RMST: variants seen among roughly 807,000 people sequenced by gnomAD.
RMST encodes long intergenic non-protein coding RNA 54.
intron 11 of RMST, among the ~76,000 whole-genome samples, chr12:97,540,941 GATAGATATAGATATAGATATAGAT>G (rs11269215): frequency 1.0e-4 from 15 of 145,594 alleles, no homozygotes; most frequent in Non-Finnish European, 1.7e-4. Flanking sequence ...TAGAGAGATA[GATAGATATAGATATAGATATAGAT>G]ATAGATATAG....
At chr12:97,541,504 A>G (rs901372131) in intron 11 of RMST, 4 of 151,742 alleles carry the variant, frequency 2.6e-5, no homozygotes, top group Non-Finnish European at 5.9e-5. Flanking sequence ...CTCGGTAAAC[A>G]TTTATTAAGA....
chr12:97,479,325 A>AT (rs1874944095), intron 5 of RMST, among the ~76,000 whole-genome samples: 2 of 150,978 alleles, frequency 1.3e-5, no homozygotes, highest in East Asian at 2.0e-4. Flanking sequence ...TATTTTATTA[A>AT]TTTTTTTGTA....
chr12:97,463,019 CT>C (rs1872749277), intron 3 of RMST: 2 of 57,898 alleles, frequency 3.5e-5, no homozygotes, highest in Non-Finnish European at 7.6e-5. Context: ...AGTCAGCAGT[CT>C]CTCTCTCTCT....
intron 11 of RMST, among the ~76,000 whole-genome samples, chr12:97,541,648 C>G (rs541697937): frequency 6.8e-6 from 1 of 147,188 alleles, no homozygotes; most frequent in East Asian, 2.0e-4. Flanking sequence ...CAGGCTCAGA[C>G]AAAAGCTCAG....
chr12:97,495,165 C>A (rs1378216064), intron 9 of RMST, among the ~76,000 whole-genome samples: 1 of 92,210 alleles, frequency 1.1e-5, no homozygotes, highest in Non-Finnish European at 2.2e-5. Context: ...TTATGTACAT[C>A]ATTATTCTTA....
chr12:97,474,970 C>T (rs1593127264), intron 5 of RMST, among the ~76,000 whole-genome samples: 3 of 152,132 alleles, frequency 2.0e-5, no homozygotes, highest in African/African-American at 7.2e-5. Flanking sequence ...TGCTCATTGC[C>T]TTCTGTCTTT....
At chr12:97,499,994 A>G (rs1219715909) in intron 10 of RMST, among the ~76,000 whole-genome samples, 1 of 152,048 alleles carries the variant, frequency 6.6e-6, no homozygotes. Context: ...CTAGCCCCTC[A>G]TGCATGTTTT....
At chr12:97,550,670 C>T (rs563715924) in intron 11 of RMST, among the ~76,000 whole-genome samples, 2 of 152,174 alleles carry the variant, frequency 1.3e-5, no homozygotes, top group South Asian at 2.1e-4. Flanking sequence ...TCTATTTTCT[C>T]GACTTTATTA....
chr12:97,510,482 T>C (rs11615990), intron 10 of RMST, among the ~76,000 whole-genome samples: 4,505 of 152,344 alleles, frequency 0.03, 87 homozygotes, highest in Middle Eastern at 0.065. Flanking sequence ...CGTGCTCTTA[T>C]TTAATACGAA....
chr12:97,531,094 C>T (rs780414381), intron 11 of RMST, among the ~76,000 whole-genome samples: 5 of 148,560 alleles, frequency 3.4e-5, no homozygotes, highest in Admixed American at 6.7e-5. Flanking sequence ...GCAATATTTT[C>T]TCTGTTGAGT....
chr12:97,480,082 C>CT (rs1227743397), intron 5 of RMST, among the ~76,000 whole-genome samples: 8 of 107,842 alleles, frequency 7.4e-5, no homozygotes, highest in Non-Finnish European at 1.1e-4. Context: ...CTTTTCTTTT[C>CT]TTTTTTCTTT....
intron 5 of RMST, among the ~76,000 whole-genome samples, chr12:97,486,739 G>A (rs918271531): frequency 6.6e-6 from 1 of 152,154 alleles, no homozygotes; most frequent in Non-Finnish European, 1.5e-5. Context: ...AGTCTTTAAA[G>A]ATTTGAATGA....
Position 97,537,471 on chromosome 12 carries a change from G to A in RMST, n.1545+6612G>A, listed in dbSNP as rs757190915. Among the ~76,000 whole-genome samples the A allele has an allele frequency of 6.7e-4, 102 of 151,258 alleles. No individual in the cohort carries two copies. The Middle Eastern group carries it at 0.017, about 25-fold the overall frequency. ...CTCTTGTCTCATTCTTTATCTTCAC[G>A]AGCAAAAGGAGATTTTTACTCATTG... On this transcript the variant is annotated intron_variant and non_coding_transcript_variant, in intron 11 of 13. Transcript: ENST00000640149.
exon 14 of RMST, chr12:97,564,896 T>C (rs761965917): frequency 4.6e-5 from 7 of 152,242 alleles, no homozygotes; most frequent in Non-Finnish European, 1.0e-4. Context: ...ATATTGACTA[T>C]GGACTTACAT....
At chr12:97,499,321 C>T (rs1877805901) in intron 10 of RMST, among the ~76,000 whole-genome samples, 1 of 152,026 alleles carries the variant, frequency 6.6e-6, no homozygotes, top group African/African-American at 2.4e-5. Flanking sequence ...GATCTGTATT[C>T]ATAATTGTTT....
chr12:97,506,404 T>C (rs1380289656), intron 10 of RMST, among the ~76,000 whole-genome samples: 1 of 152,182 alleles, frequency 6.6e-6, no homozygotes, highest in East Asian at 1.9e-4. Flanking sequence ...AAATACTTAT[T>C]TATCAAAAAT....
At chr12:97,558,236 A>G (rs1225679966) in intron 11 of RMST, among the ~76,000 whole-genome samples, 2 of 152,114 alleles carry the variant, frequency 1.3e-5, no homozygotes, top group African/African-American at 4.8e-5. Context: ...TTCGTCATGG[A>G]GTTGCTCTTA....
intron 5 of RMST, among the ~76,000 whole-genome samples, chr12:97,482,570 T>G (rs1012018108): frequency 6.7e-6 from 1 of 150,268 alleles, no homozygotes; most frequent in Non-Finnish European, 1.5e-5. Context: ...TTCTCAAAGA[T>G]TAGAAAAAAT....
chr12:97,519,340 C>T (rs1158917418), intron 10 of RMST, among the ~76,000 whole-genome samples: 2 of 152,192 alleles, frequency 1.3e-5, no homozygotes, highest in East Asian at 1.9e-4. Flanking sequence ...GAAATCACTT[C>T]TTGACATTTG....
Sources: allele counts gnomAD v4.1 joint callset (sites outside exome capture counted in the v4.1 genomes callset), GRCh38; gene constraint gnomAD v4.1.1; transcripts MANE v1.5; gene names NCBI Gene and HGNC (gene_info 2026-07-23, HGNC 2026-07-21).